Variants in PID1 observed in about 807,000 individuals in gnomAD.
PID1 encodes PTB-containing, cubilin and LRP1-interacting protein.
PID1 carries 10 observed loss-of-function variants against 19.1 expected under a neutral mutation model. That is an observed-to-expected ratio of 0.52 (90% confidence interval 0.32 to 0.89). The LOEUF (loss-of-function observed/expected upper bound fraction) is 0.89, where lower values mean the gene tolerates loss of function less well. PID1 is among the 40% of genes least tolerant of loss of function. The pLI is 0.03. For synonymous variants in PID1, 130 were observed against 116.0 expected, an observed-to-expected ratio of 1.12 and a Z score of -0.78; for missense variants, 248 against 285.3, an observed-to-expected ratio of 0.87 and a Z score of 0.94.
intron 2 of PID1, among the ~76,000 whole-genome samples, chr2:229,110,891 A>G (rs112147577): frequency 1.7e-3 from 259 of 152,014 alleles, no homozygotes; most frequent in Non-Finnish European, 3.2e-3. Context: ...TGGTTTGGCT[A>G]TGTCCCCACT....
At chr2:229,266,360 T>C (rs1690592294) in intron 1 of PID1, among the ~76,000 whole-genome samples, 1 of 152,162 alleles carries the variant, frequency 6.6e-6, no homozygotes, top group South Asian at 2.1e-4. Context: ...AAATGCTATG[T>C]GCTTCAGCTG....
chr2:229,140,670 G>T (rs1689992508), intron 2 of PID1, among the ~76,000 whole-genome samples: 1 of 152,108 alleles, frequency 6.6e-6, no homozygotes, highest in South Asian at 2.1e-4. Flanking sequence ...TATTGTTAAA[G>T]AAGAGCCTGG....
intron 1 of PID1, among the ~76,000 whole-genome samples, chr2:229,243,293 C>T (rs905344404): frequency 6.6e-6 from 1 of 152,122 alleles, no homozygotes; most frequent in Non-Finnish European, 1.5e-5. Flanking sequence ...CCTCCTACCA[C>T]ACATGGGAAT....
rs768561295 is a variant in PID1, at chr2:229,025,750, G to C, written c.536C>G (p.Ala179Gly). ...CESKLEAKKL[A>G]HAMMEAFRKT... ...CCTGAAGGCCTCCATCATGGCGTGG[G>C]CCAGTTTCTTGGCCTCGAGCTTGCT... Residue 179 changes from alanine (A) to glycine (G), a missense_variant, in exon 3 of 3, where the codon GCC becomes GGC. Coordinates refer to ENST00000392055, the MANE Select transcript of PID1 (RefSeq NM_001100818.2). The C allele has an allele frequency of 1.2e-6, 2 of 1,614,130 alleles. No individual in the cohort carries two copies. The highest frequency in any genetic ancestry group is 2.7e-5 in the African/African-American group (2 of 74,954).
At chr2:229,082,003 A>G (rs2106211319) in intron 2 of PID1, among the ~76,000 whole-genome samples, 1 of 152,324 alleles carries the variant, frequency 6.6e-6, no homozygotes, top group Admixed American at 6.5e-5. Flanking sequence ...AGAGTGAAAC[A>G]CAAATTATAA....
intron 1 of PID1, among the ~76,000 whole-genome samples, chr2:229,198,561 T>A (rs892248304): frequency 9.2e-5 from 14 of 152,090 alleles, no homozygotes; most frequent in African/African-American, 3.4e-4. Flanking sequence ...ATATGTCCCA[T>A]ATGGAATACA....
At chr2:229,138,142 A>G (rs1689892974) in intron 2 of PID1, among the ~76,000 whole-genome samples, 1 of 152,134 alleles carries the variant, frequency 6.6e-6, no homozygotes, top group Non-Finnish European at 1.5e-5. Flanking sequence ...TGCAGGTTCC[A>G]CTGTCTGATA....
intron 1 of PID1, among the ~76,000 whole-genome samples, chr2:229,220,104 C>T (rs1691935379): frequency 6.6e-6 from 1 of 151,470 alleles, no homozygotes; most frequent in African/African-American, 2.4e-5. Context: ...ACTGCAGTCT[C>T]GATCTCCCCA....
At chr2:229,175,548 T>G (rs1690802607) in intron 1 of PID1, among the ~76,000 whole-genome samples, 1 of 152,350 alleles carries the variant, frequency 6.6e-6, no homozygotes, top group African/African-American at 2.4e-5. Context: ...AGGAAGACAC[T>G]GAATACATAC....
intron 2 of PID1, among the ~76,000 whole-genome samples, chr2:229,088,997 T>C (rs1223673644): frequency 6.6e-6 from 1 of 152,186 alleles, no homozygotes; most frequent in Non-Finnish European, 1.5e-5. Context: ...CTTAAATCTC[T>C]CCTACTGAAA....
intron 2 of PID1, among the ~76,000 whole-genome samples, chr2:229,037,246 C>A (rs184882983): frequency 1.6e-4 from 25 of 152,210 alleles, no homozygotes; most frequent in African/African-American, 5.5e-4. Flanking sequence ...ATTAGGAAAT[C>A]TATTTTTATT....
At chr2:229,050,440 A>G (rs1355662607) in intron 2 of PID1, among the ~76,000 whole-genome samples, 1 of 152,196 alleles carries the variant, frequency 6.6e-6, no homozygotes, top group Non-Finnish European at 1.5e-5. Flanking sequence ...GACGCTACAC[A>G]TCTGGAGAGT....
chr2:229,201,798 G>T (rs1312100394), intron 1 of PID1, among the ~76,000 whole-genome samples: 1 of 151,932 alleles, frequency 6.6e-6, no homozygotes, highest in Non-Finnish European at 1.5e-5. Flanking sequence ...CTTACTTCTG[G>T]TTCTTATTAG....
At chr2:229,113,853 C>A (rs1204135204) in intron 2 of PID1, among the ~76,000 whole-genome samples, 1 of 151,968 alleles carries the variant, frequency 6.6e-6, no homozygotes, top group African/African-American at 2.4e-5. Flanking sequence ...GTTAGTTGGT[C>A]CAACTTTATT....
chr2:229,120,836 C>T (rs77127892), intron 2 of PID1, among the ~76,000 whole-genome samples: 5,667 of 151,958 alleles, frequency 0.037, 160 homozygotes, highest in Non-Finnish European at 0.059. Flanking sequence ...TGAGTTCTTG[C>T]CCCTGTGAGA....
chr2:229,264,152 T>C (rs759615286), intron 1 of PID1, among the ~76,000 whole-genome samples: 4 of 152,304 alleles, frequency 2.6e-5, no homozygotes, highest in South Asian at 4.1e-4. Context: ...TGCCACGCTA[T>C]ATAACCTTCT....
chr2:229,185,079 C>CTA (rs1326616720), intron 1 of PID1, among the ~76,000 whole-genome samples: 9 of 141,816 alleles, frequency 6.3e-5, no homozygotes, highest in African/African-American at 7.8e-5. Context: ...TATATATATC[C>CTA]TACATATATA....
At chr2:229,031,315 TG>T (rs1353874924) in intron 2 of PID1, among the ~76,000 whole-genome samples, 1 of 151,666 alleles carries the variant, frequency 6.6e-6, no homozygotes, top group Non-Finnish European at 1.5e-5. Flanking sequence ...CCCAGCACTT[TG>T]GGAAGCCAAA....
chr2:229,271,145 G>C lies in PID1; in HGVS notation c.-102C>G, dbSNP rs147786954. 2.8e-3 allele frequency: 3,667 copies of C among 1,310,516 alleles called. 77 individuals are homozygous for C. In the African/African-American group the frequency reaches 0.048, roughly 17 times the overall value. 81.2% of individuals were successfully genotyped at this position (1,310,516 alleles called of 1,614,324 possible). On this transcript the variant is annotated 5_prime_UTR_variant, in exon 1 of 3. Transcript: ENST00000392055. The stretch of plus-strand genomic sequence containing the variant: ...CGCTTTACATCTGGGGTCGGTGTCC[G>C]CGGGATGTGCGTCCTGGCGCTGGCC...
Sources: allele counts gnomAD v4.1 joint callset (sites outside exome capture counted in the v4.1 genomes callset), GRCh38; gene constraint gnomAD v4.1.1; transcripts MANE v1.5; gene names NCBI Gene and HGNC (gene_info 2026-07-23, HGNC 2026-07-21).